The following MPP7 variants were observed in gnomAD, a reference collection of about 807,000 sequenced individuals.
MPP7 encodes MAGUK p55 subfamily member 7.
In MPP7, 60 loss-of-function variants were observed where a neutral mutation model predicts 76.5. That is an observed-to-expected ratio of 0.78 (90% confidence interval 0.64 to 0.97). The LOEUF (loss-of-function observed/expected upper bound fraction) is 0.97, where lower values mean the gene tolerates loss of function less well. Ranked by LOEUF, MPP7 falls within the 50% of genes least tolerant of loss-of-function variation. The pLI is 0.00. For missense variants in MPP7, 641 were observed against 694.0 expected, an observed-to-expected ratio of 0.92 and a Z score of 0.86; for synonymous variants, 237 against 244.5, an observed-to-expected ratio of 0.97 and a Z score of 0.29.
chr10:28,113,961 G>A (rs748262732), intron 11 of MPP7, among the ~76,000 whole-genome samples: 1 of 152,278 alleles, frequency 6.6e-6, no homozygotes, highest in South Asian at 2.1e-4. Flanking sequence ...CCAAAGCTTC[G>A]GTATTCCAAG....
intron 10 of MPP7, 45 bp downstream of exon 10, chr10:28,120,147 CAA>C: frequency 6.4e-7 from 1 of 1,572,664 alleles, no homozygotes; most frequent in Admixed American, 1.8e-5. Flanking sequence ...TTGCAGAGAA[CAA>C]AAGGTCAGCT....
chr10:28,069,984 C>T, intron 12 of MPP7, 132 bp from the exon 13 acceptor site: 1 of 644,766 alleles, frequency 1.6e-6, no homozygotes. Flanking sequence ...AGATTATTTT[C>T]TGTTAACTTG....
intron 5 of MPP7, among the ~76,000 whole-genome samples, chr10:28,140,154 G>A (rs556644448): frequency 2.2e-4 from 33 of 152,312 alleles, no homozygotes; most frequent in African/African-American, 7.9e-4. Context: ...ACTCTTAAAT[G>A]TGTTTGTAAT....
intron 3 of MPP7, among the ~76,000 whole-genome samples, chr10:28,194,560 A>G (rs1223682677): frequency 2.0e-5 from 3 of 152,214 alleles, no homozygotes; most frequent in Non-Finnish European, 4.4e-5. Flanking sequence ...GAAATGGGCT[A>G]TGTTGCCATG....
At chr10:28,123,948 T>C (rs1378437501) in intron 8 of MPP7, 83 bp downstream of exon 8, 3 of 917,530 alleles carry the variant, frequency 3.3e-6, no homozygotes, top group South Asian at 1.4e-5. Context: ...AAATCCTGTC[T>C]ATGTCAAACC....
chr10:28,182,213 A>T (rs1837082876), intron 3 of MPP7, among the ~76,000 whole-genome samples: 1 of 152,212 alleles, frequency 6.6e-6, no homozygotes, highest in Non-Finnish European at 1.5e-5. Context: ...TATAAAAAGG[A>T]AACTGGAATG....
chr10:28,225,819 C>A (rs1838669375), intron 2 of MPP7, among the ~76,000 whole-genome samples: 2 of 152,258 alleles, frequency 1.3e-5, no homozygotes, highest in South Asian at 4.1e-4. Context: ...CAGGGACATA[C>A]TTATTTTTGT....
Position 28,327,264 on chromosome 10 carries a change from C to T in MPP7, c.-132+2665G>A, listed in dbSNP as rs1165463553. On this transcript the variant is annotated intron_variant, in intron 2 of 11. Transcript: ENST00000441595. ...AAAAAAAAAAAAAAAAAAGTCTTAA[C>T]TGTGAGAAGTTGTTTTGGAAAGAGA... Among the ~76,000 whole-genome samples the T allele has an allele frequency of 2.2e-5, 3 of 139,010 alleles. No homozygotes were observed. In the South Asian group the frequency reaches 7.3e-4, roughly 34 times the overall value. 91.2% of individuals were successfully genotyped at this position (139,010 alleles called of 152,430 possible). A position where few individuals can be genotyped will look rare whatever the true frequency, so the allele number is the denominator to read the frequency against.
At chr10:28,295,127 A>G (rs1196107477) in intron 1 of MPP7, among the ~76,000 whole-genome samples, 1 of 152,222 alleles carries the variant, frequency 6.6e-6, no homozygotes, top group Non-Finnish European at 1.5e-5. Flanking sequence ...TGTGATCCCA[A>G]GGTATGCTAA....
intron 3 of MPP7, among the ~76,000 whole-genome samples, chr10:28,190,464 C>T (rs942094741): frequency 1.3e-5 from 2 of 152,146 alleles, no homozygotes; most frequent in African/African-American, 4.8e-5. Flanking sequence ...CGAACAAAAA[C>T]CATACAGCAT....
intron 1 of MPP7, among the ~76,000 whole-genome samples, chr10:28,267,305 T>A (rs1840177736): frequency 6.6e-6 from 1 of 152,186 alleles, no homozygotes; most frequent in African/African-American, 2.4e-5. Context: ...TTAACAAATA[T>A]TAGAATATTT....
intron 12 of MPP7, among the ~76,000 whole-genome samples, chr10:28,073,169 C>T (rs1391050644): frequency 1.3e-5 from 2 of 152,298 alleles, no homozygotes; most frequent in East Asian, 3.9e-4. Flanking sequence ...CACCTGGGAG[C>T]CTCCTGGTCA....
intron 12 of MPP7, among the ~76,000 whole-genome samples, chr10:28,076,058 T>G (rs1020913625): frequency 6.6e-6 from 1 of 152,220 alleles, no homozygotes; most frequent in Non-Finnish European, 1.5e-5. Flanking sequence ...ATATGAAAAT[T>G]AGATAATCTG....
At chr10:28,161,768 C>T (rs1292648700) in intron 3 of MPP7, among the ~76,000 whole-genome samples, 3 of 152,152 alleles carry the variant, frequency 2.0e-5, no homozygotes, top group Non-Finnish European at 4.4e-5. Context: ...CAACTTTTCA[C>T]TCAATAGAAA....
intron 11 of MPP7, among the ~76,000 whole-genome samples, chr10:28,090,921 C>T (rs965244176): frequency 6.6e-6 from 1 of 152,122 alleles, no homozygotes; most frequent in Non-Finnish European, 1.5e-5. Flanking sequence ...GGAAGGAGGG[C>T]AGATCGCTTG....
At chr10:28,292,702 C>A (rs1485424331) in intron 1 of MPP7, among the ~76,000 whole-genome samples, 1 of 152,028 alleles carries the variant, frequency 6.6e-6, no homozygotes, top group Non-Finnish European at 1.5e-5. Flanking sequence ...TAAAATAACA[C>A]AGGAGGGAGT....
chr10:28,236,387 C>T (rs1024903755), intron 2 of MPP7, among the ~76,000 whole-genome samples: 5 of 151,856 alleles, frequency 3.3e-5, no homozygotes, highest in East Asian at 1.9e-4. Context: ...ATATTTAACA[C>T]GGAAATATCT....
chr10:28,082,508 G>A (rs1160771647), intron 12 of MPP7, among the ~76,000 whole-genome samples: 1 of 151,364 alleles, frequency 6.6e-6, no homozygotes, highest in East Asian at 2.0e-4. Flanking sequence ...AGCCCAGAAT[G>A]TGCAGTGGTA....
chr10:28,059,887 A>C, intron 13 of MPP7, 144 bp from the exon 14 acceptor site: 1 of 630,232 alleles, frequency 1.6e-6, no homozygotes, highest in Non-Finnish European at 2.8e-6. Context: ...AATAAAATAC[A>C]GTAAGCTGTT....
Sources: gnomAD v4.1 joint callset for allele counts (sites outside exome capture counted in the v4.1 genomes callset) on GRCh38, gnomAD v4.1.1 for gene constraint, MANE v1.5 for transcripts, NCBI Gene and HGNC (gene_info 2026-07-23, HGNC 2026-07-21) for gene names.